MAP3K20: variants seen among roughly 807,000 people sequenced by gnomAD.
MAP3K20 encodes the protein mitogen-activated protein kinase kinase kinase 20, also known as HCCS-4.
Under a neutral mutation model 85.7 loss-of-function variants are expected in MAP3K20, and 40 were observed. That is an observed-to-expected ratio of 0.47 (90% confidence interval 0.36 to 0.61). The LOEUF (loss-of-function observed/expected upper bound fraction) is 0.61, where lower values mean the gene tolerates loss of function less well. Among genes scored for constraint, MAP3K20 ranks in the 20% least tolerant of loss-of-function variants. MAP3K20 has a pLI of 0.00. For synonymous variants in MAP3K20, 325 were observed against 327.7 expected (o/e 0.99, Z 0.09); for missense variants, 817 against 961.7 (o/e 0.85, Z 1.99).
intron 7 of MAP3K20, among the ~76,000 whole-genome samples, chr2:173,194,428 A>C (rs960394745): frequency 1.3e-5 from 2 of 152,212 alleles, no homozygotes; most frequent in African/African-American, 4.8e-5. Context: ...TTATTTAAAC[A>C]ACCACAGGTA....
chr2:173,175,596 TA>T (rs1477146818), intron 3 of MAP3K20, among the ~76,000 whole-genome samples: 7 of 152,218 alleles, frequency 4.6e-5, no homozygotes, highest in African/African-American at 1.4e-4. Flanking sequence ...GTATGAAGTT[TA>T]TAAAGTATTA....
chr2:173,146,630 G>C (rs1689145128), intron 2 of MAP3K20, among the ~76,000 whole-genome samples: 1 of 152,060 alleles, frequency 6.6e-6, no homozygotes, highest in African/African-American at 2.4e-5. Context: ...TGCCTATTCT[G>C]GACATTTCAT....
intron 10 of MAP3K20, chr2:173,212,365 T>C (rs1478728535): frequency 3.3e-5 from 5 of 152,160 alleles, no homozygotes; most frequent in African/African-American, 9.7e-5. Flanking sequence ...CAGAGAAATA[T>C]ACTAGATGTC....
intron 3 of MAP3K20, among the ~76,000 whole-genome samples, chr2:173,179,702 G>GCACA (rs1491499756): frequency 1.7e-4 from 13 of 76,166 alleles, no homozygotes; most frequent in African/African-American, 5.8e-4. Flanking sequence ...CCTAAGGAAT[G>GCACA]CGCACACACA....
chr2:173,119,276 G>A (rs1688210078), intron 2 of MAP3K20, among the ~76,000 whole-genome samples: 1 of 152,200 alleles, frequency 6.6e-6, no homozygotes, highest in Admixed American at 6.5e-5. Context: ...GGGGTCCAGT[G>A]ACGATCTCGA....
chr2:173,112,925 G>C (rs781462942), intron 2 of MAP3K20, among the ~76,000 whole-genome samples: 1 of 152,048 alleles, frequency 6.6e-6, no homozygotes, highest in Non-Finnish European at 1.5e-5. Context: ...GGTGATGCTG[G>C]CTTCATAGAA....
At chr2:173,263,213 C>T (rs143721390) in intron 18 of MAP3K20, among the ~76,000 whole-genome samples, 42 of 152,302 alleles carry the variant, frequency 2.8e-4, no homozygotes, top group South Asian at 2.5e-3. Flanking sequence ...TCCTGTCTCA[C>T]TTTTGCATCT....
chr2:173,130,584 T>A (rs1688585716), intron 2 of MAP3K20, among the ~76,000 whole-genome samples: 1 of 151,872 alleles, frequency 6.6e-6, no homozygotes, highest in Non-Finnish European at 1.5e-5. Context: ...GTTTTAGATT[T>A]TAAATGCACG....
rs1685282027 is a variant in MAP3K20, at chr2:173,261,129, A to G, written c.1543A>G (p.Thr515Ala). The G allele has an allele frequency of 6.2e-7, 1 of 1,613,522 alleles. No homozygotes were observed. Among genetic ancestry groups the G allele is most frequent in the South Asian group, 1.1e-5 (1 of 91,068 alleles). ...AKSQTVECTV[T>A]YESDVRTPKS... ...AAGTCAGACTGTGGAGTGCACTGTC[A>G]CATATGAGGTAAGCTCTGGGGGCAA... The change falls in exon 18 of 20, where the codon ACA becomes GCA. Residue 515 changes from threonine (T) to alanine (A), a missense_variant. Coordinates refer to ENST00000375213, the MANE Select transcript of MAP3K20 (RefSeq NM_016653.3).
chr2:173,114,357 A>G (rs1688058797), intron 2 of MAP3K20, among the ~76,000 whole-genome samples: 1 of 152,158 alleles, frequency 6.6e-6, no homozygotes, highest in Non-Finnish European at 1.5e-5. Context: ...GTGTCTTTTA[A>G]GTGGAGCATT....
Position 173,209,524 on chromosome 2 carries a change from TGAATAGTTCACCGAAAATAAA to T in MAP3K20, c.745-198_745-178del, listed in dbSNP as rs527398247. 943 of 432,306 alleles carry T rather than the reference TGAATAGTTCACCGAAAATAAA, an allele frequency of 2.2e-3. 2 individuals carry two copies. The highest frequency in any genetic ancestry group is 3.3e-3 in the Non-Finnish European group (814 of 244,514). 26.8% of individuals were successfully genotyped at this position (432,306 alleles called of 1,614,324 possible). On this transcript the variant is annotated intron_variant, in intron 9 of 19. Coordinates refer to ENST00000375213, the MANE Select transcript of MAP3K20 (RefSeq NM_016653.3). ...AAAACAGCATCTGAATCTCTCCTTG[TGAATAGTTCACCGAAAATAAA>T]GAATAGAGCTCCCTAAACCTGAGTG...
Position 173,087,763 on chromosome 2 carries a change from A to G in MAP3K20, c.-34-3235A>G, listed in dbSNP as rs561664448. On this transcript the variant is annotated intron_variant, in intron 1 of 19. Transcript: ENST00000375213. ...TTTCCTACCTAGAATTGTATGCCCAACCAGGCTACCAATCAAGACATTTTA... is the reference window on the plus strand; with the variant it reads ...TTTCCTACCTAGAATTGTATGCCCAGCCAGGCTACCAATCAAGACATTTTA... Among the ~76,000 whole-genome samples the G allele has an allele frequency of 1.7e-4, 26 of 152,376 alleles. 1 individual carries two copies. The East Asian group carries it at 5.0e-3, about 29-fold the overall frequency.
Position 173,239,946 on chromosome 2 carries a change from G to A in MAP3K20, c.1359+450G>A, listed in dbSNP as rs138940833. 5.5e-3 allele frequency among the ~76,000 whole-genome samples: 842 copies of A among 152,254 alleles called. 4 individuals carry two copies. The highest frequency in any genetic ancestry group is 9.1e-3 in the Non-Finnish European group (618 of 68,010). ...CATTTGAGCAACACTTCTTCAATAA[G>A]CCTCTCAGTTTATGTCATTTTGAAA... is the stretch of plus-strand genomic sequence containing the variant. On this transcript the variant is annotated intron_variant, in intron 16 of 19. Coordinates refer to ENST00000375213, the MANE Select transcript of MAP3K20 (RefSeq NM_016653.3).
intron 15 of MAP3K20, 22 bp downstream of exon 15, chr2:173,238,457 G>A (rs370684829): frequency 1.9e-5 from 31 of 1,592,662 alleles, no homozygotes; most frequent in African/African-American, 5.4e-5. Context: ...TTTTCTTACC[G>A]ACACTAATGC....
rs778500985 is a variant in MAP3K20 at position 173,169,791 on chromosome 2, T to C, written c.160-14T>C. On this transcript the variant is annotated splice_polypyrimidine_tract_variant and intron_variant, in intron 2 of 19. Coordinates refer to ENST00000375213, the MANE Select transcript of MAP3K20 (RefSeq NM_016653.3). ...TGAAATGTTATGCAACTTTGCATTTTATTTTTTGTACAGGCAGAAATACTC... is the reference window on the plus strand; with the variant it reads ...TGAAATGTTATGCAACTTTGCATTTCATTTTTTGTACAGGCAGAAATACTC... 6 of 1,606,082 alleles carry C rather than the reference T, an allele frequency of 3.7e-6. No individual in the cohort carries two copies. The East Asian group carries it at 1.3e-4, about 36-fold the overall frequency.
At chr2:173,265,479 A>G (rs1685398754) in intron 19 of MAP3K20, among the ~76,000 whole-genome samples, 1 of 152,220 alleles carries the variant, frequency 6.6e-6, no homozygotes, top group Non-Finnish European at 1.5e-5. Flanking sequence ...TCCTGTGGAC[A>G]CGTGAACGGT....
At chr2:173,199,446 A>G (rs1381361956) in intron 8 of MAP3K20, among the ~76,000 whole-genome samples, 2 of 152,244 alleles carry the variant, frequency 1.3e-5, no homozygotes, top group Non-Finnish European at 2.9e-5. Flanking sequence ...GTGCTATTAA[A>G]TAAGATCTTA....
rs1684725275 is a variant in MAP3K20 at position 173,239,297 on chromosome 2, T to C, written c.1267-107T>C. 3 of 816,120 alleles carry C rather than the reference T, an allele frequency of 3.7e-6. No individual in the cohort carries two copies. In the African/African-American group the frequency reaches 5.4e-5, roughly 15 times the overall value. The allele number at this position is 816,120 out of a possible 1,614,324, so 50.6% of individuals were successfully genotyped here. On this transcript the variant is annotated intron_variant, in intron 15 of 19. Transcript: ENST00000375213. ...TTAATCCAAAATAACCAAAAGTTAA[T>C]AGATTAGAATAGAAAAAAAAAAAAA... is the stretch of plus-strand genomic sequence containing the variant.
At chr2:173,111,367 G>C (rs1326444988) in intron 2 of MAP3K20, among the ~76,000 whole-genome samples, 1 of 152,256 alleles carries the variant, frequency 6.6e-6, no homozygotes, top group African/African-American at 2.4e-5. Flanking sequence ...CTCCCACTCT[G>C]GGGGTTGTCT....
Sources: gnomAD v4.1 joint callset for allele counts (sites outside exome capture counted in the v4.1 genomes callset) on GRCh38, gnomAD v4.1.1 for gene constraint, MANE v1.5 for transcripts, NCBI Gene and HGNC (gene_info 2026-07-23, HGNC 2026-07-21) for gene names.